ARHGAP6: variants seen among roughly 807,000 people sequenced by gnomAD.
ARHGAP6 encodes Rho GTPase activating protein 6.
ARHGAP6 carries 16 observed loss-of-function variants against 55.7 expected under a neutral mutation model. That is an observed-to-expected ratio of 0.29 (90% CI 0.19 to 0.44). The LOEUF is 0.44. Ranked by LOEUF, ARHGAP6 falls within the 20% of genes least tolerant of loss-of-function variation. The pLI is 1.00. For missense variants in ARHGAP6, 698 were observed against 808.9 expected (o/e 0.86, Z 1.66); for synonymous variants, 382 against 360.9 (o/e 1.06, Z -0.66).
At chrX:11,156,239 C>T (rs1459071626) in intron 10 of ARHGAP6, among the ~76,000 whole-genome samples, 2 of 112,139 alleles carry the variant, frequency 1.8e-5, no homozygotes, top group Admixed American at 9.4e-5. Flanking sequence ...TAGTCCCTTG[C>T]CAGTAATTTG....
At chrX:11,226,839 C>G (rs2147430052) in intron 2 of ARHGAP6, among the ~76,000 whole-genome samples, 1 of 111,823 alleles carries the variant, frequency 8.9e-6, no homozygotes, top group Non-Finnish European at 1.9e-5. Flanking sequence ...CTATTAGTGA[C>G]TAGTAATGGT....
intron 1 of ARHGAP6, among the ~76,000 whole-genome samples, chrX:11,649,052 G>T (rs764364299): frequency 2.0e-4 from 23 of 112,392 alleles, no homozygotes; most frequent in African/African-American, 7.4e-4. Context: ...GATTAAAGAA[G>T]ACCACAAATT....
At chrX:11,266,997 A>G (rs1197977905) in intron 1 of ARHGAP6, among the ~76,000 whole-genome samples, 1 of 111,572 alleles carries the variant, frequency 9.0e-6, no homozygotes, top group African/African-American at 3.3e-5. Flanking sequence ...TTAAACTTAA[A>G]CAGAGATTCA....
intron 1 of ARHGAP6, among the ~76,000 whole-genome samples, chrX:11,472,061 G>A (rs993748237): frequency 8.9e-6 from 1 of 111,944 alleles, no homozygotes; most frequent in Non-Finnish European, 1.9e-5. Flanking sequence ...ACATTCAAAA[G>A]GGTTAAGCAC....
chrX:11,374,574 A>T (rs2049179757), intron 1 of ARHGAP6, among the ~76,000 whole-genome samples: 1 of 112,244 alleles, frequency 8.9e-6, no homozygotes, highest in Admixed American at 9.4e-5. Flanking sequence ...CCACCTCTGG[A>T]GCTACTATTT....
At chrX:11,358,618 T>G (rs2048968559) in intron 1 of ARHGAP6, among the ~76,000 whole-genome samples, 1 of 110,261 alleles carries the variant, frequency 9.1e-6, no homozygotes, top group Non-Finnish European at 1.9e-5. Context: ...TAGCTGGGAT[T>G]ACAGGCATAC....
intron 1 of ARHGAP6, among the ~76,000 whole-genome samples, chrX:11,660,907 C>G (rs925189792): frequency 5.4e-5 from 6 of 111,257 alleles, no homozygotes; most frequent in African/African-American, 2.0e-4. Context: ...ATCACCCGCC[C>G]CTCTCTGTTC....
intron 1 of ARHGAP6, chrX:11,298,328 A>C: frequency 8.6e-7 from 1 of 1,157,370 alleles, no homozygotes; most frequent in South Asian, 1.8e-5. Context: ...GCATGCATTA[A>C]AATTCCCATA....
intron 1 of ARHGAP6, among the ~76,000 whole-genome samples, chrX:11,451,089 T>C (rs1031370796): frequency 1.8e-5 from 2 of 111,375 alleles, no homozygotes; most frequent in East Asian, 5.7e-4. Flanking sequence ...CCTGCACACA[T>C]TGGAAGTGTT....
At chrX:11,217,716 A>G (rs1370934812) in intron 2 of ARHGAP6, among the ~76,000 whole-genome samples, 1 of 112,123 alleles carries the variant, frequency 8.9e-6, no homozygotes, top group South Asian at 3.7e-4. Context: ...CTTTAGTTTA[A>G]TTAGATCCCA....
At chrX:11,388,510 TTCACTCTGA>T (rs1207925828) in intron 1 of ARHGAP6, among the ~76,000 whole-genome samples, 1 of 112,160 alleles carries the variant, frequency 8.9e-6, no homozygotes, top group Admixed American at 9.4e-5. Context: ...AGGTTGCCTG[TTCACTCTGA>T]TGGTATTTTC....
At chrX:11,615,728 G>A (rs2052155541) in intron 1 of ARHGAP6, among the ~76,000 whole-genome samples, 1 of 112,274 alleles carries the variant, frequency 8.9e-6, no homozygotes, top group Non-Finnish European at 1.9e-5. Context: ...TTACATTCAA[G>A]TGCTGAACAT....
intron 1 of ARHGAP6, among the ~76,000 whole-genome samples, chrX:11,548,669 C>T (rs1467546325): frequency 1.8e-5 from 2 of 110,917 alleles, no homozygotes; most frequent in Admixed American, 9.6e-5. Context: ...AGTGCAGCGA[C>T]GTGATCTCAG....
At chrX:11,504,178 G>C (rs1255395293) in intron 1 of ARHGAP6, among the ~76,000 whole-genome samples, 1 of 111,319 alleles carries the variant, frequency 9.0e-6, no homozygotes, top group Non-Finnish European at 1.9e-5. Context: ...CCTTGCTTCT[G>C]CTCCTTCTAT....
intron 1 of ARHGAP6, among the ~76,000 whole-genome samples, chrX:11,284,414 C>T (rs1156327225): frequency 8.9e-6 from 1 of 111,821 alleles, no homozygotes; most frequent in Non-Finnish European, 1.9e-5. Flanking sequence ...CAACTAATAT[C>T]CATGATAGGA....
At chrX:11,203,144 C>T (rs903319127) in intron 2 of ARHGAP6, among the ~76,000 whole-genome samples, 5 of 111,824 alleles carry the variant, frequency 4.5e-5, no homozygotes, top group Non-Finnish European at 9.4e-5. Context: ...AAACTTTGGG[C>T]TCCTGTTGAT....
intron 1 of ARHGAP6, among the ~76,000 whole-genome samples, chrX:11,587,292 T>G (rs2051746099): frequency 8.9e-6 from 1 of 112,057 alleles, no homozygotes; most frequent in Non-Finnish European, 1.9e-5. Context: ...CCATTTAGTA[T>G]GAAGTTGGCT....
chrX:11,200,898 A>C (rs1324204628), intron 2 of ARHGAP6, among the ~76,000 whole-genome samples: 1 of 112,418 alleles, frequency 8.9e-6, no homozygotes, highest in Non-Finnish European at 1.9e-5. Context: ...TTGTCCAAGG[A>C]AAGATTTGTT....
chrX:11,378,848 G>T (rs368914338), intron 1 of ARHGAP6, among the ~76,000 whole-genome samples: 5 of 112,393 alleles, frequency 4.4e-5, no homozygotes, highest in African/African-American at 1.6e-4. Context: ...TTTTATTTTT[G>T]ATTATTTCTC....
Sources: allele counts gnomAD v4.1 joint callset (sites outside exome capture counted in the v4.1 genomes callset), GRCh38; gene constraint gnomAD v4.1.1; transcripts MANE v1.5; gene names NCBI Gene and HGNC (gene_info 2026-07-23, HGNC 2026-07-21).